Variants in CMTM7 observed in about 807,000 individuals in gnomAD.
CMTM7 encodes CKLF like MARVEL transmembrane domain containing 7.
CMTM7 carries 7 observed loss-of-function variants against 19.3 expected under a neutral mutation model. The ratio of observed to expected loss-of-function variants is 0.36; its 90% CI spans 0.21 to 0.68. CMTM7 has a LOEUF of 0.68. Among genes scored for constraint, CMTM7 ranks in the 30% least tolerant of loss-of-function variants. The pLI, the probability that CMTM7 is intolerant of heterozygous loss-of-function variation, is 0.60. For missense variants in CMTM7, 193 were observed against 232.6 expected (o/e 0.83, Z 1.11); for synonymous variants, 87 against 99.3 (o/e 0.88, Z 0.74).
chr3:32,410,083 A>G (rs2125624603), intron 1 of CMTM7, among the ~76,000 whole-genome samples: 1 of 152,294 alleles, frequency 6.6e-6, no homozygotes. Flanking sequence ...TCCCCTCTGG[A>G]CTGCCCCCTC....
chr3:32,402,102 T>G (rs958623656), intron 1 of CMTM7, among the ~76,000 whole-genome samples: 19 of 152,148 alleles, frequency 1.2e-4, no homozygotes, highest in African/African-American at 3.9e-4. Context: ...TATTTGTTTG[T>G]TTGGTTTTGG....
At chr3:32,430,710 T>TGA (rs1696504877) in intron 1 of CMTM7, among the ~76,000 whole-genome samples, 1 of 151,348 alleles carries the variant, frequency 6.6e-6, no homozygotes, top group African/African-American at 2.4e-5. Flanking sequence ...TGTGTGTGTG[T>TGA]GTGTGACACA....
intron 1 of CMTM7, among the ~76,000 whole-genome samples, chr3:32,408,769 T>C (rs1696126758): frequency 6.6e-6 from 1 of 152,140 alleles, no homozygotes; most frequent in African/African-American, 2.4e-5. Flanking sequence ...CAAAAACATA[T>C]GTATTAAAGT....
chr3:32,415,301 G>C (rs1196586772), intron 1 of CMTM7, among the ~76,000 whole-genome samples: 4 of 152,164 alleles, frequency 2.6e-5, no homozygotes, highest in African/African-American at 9.7e-5. Context: ...ATGTCAAGTA[G>C]TGACTTTCTC....
At position 32,449,622 on chromosome 3, in the gene CMTM7, G is replaced by A; in HGVS notation, c.432+70G>A. On this transcript the variant is annotated intron_variant, in intron 3 of 4. Coordinates refer to ENST00000334983, the MANE Select transcript of CMTM7 (RefSeq NM_138410.4). This position sits in a 1 kb window ranked among gnomAD's most constrained non-coding sequence, Gnocchi z 4.5. ...AATGCTCATTTTCTTCCTGATGGGG[G>A]AAGAGAAGGGCTTGGTTTCTGGGGC... The A allele has an allele frequency of 8.3e-7, 1 of 1,201,974 alleles. No homozygotes were observed. The highest frequency in any genetic ancestry group is 1.2e-6 in the Non-Finnish European group (1 of 804,484). 74.5% of individuals were successfully genotyped at this position (1,201,974 alleles called of 1,614,324 possible). A position where few individuals can be genotyped will look rare whatever the true frequency, so the allele number is the denominator to read the frequency against.
chr3:32,453,841 T>C (rs139335357), intron 4 of CMTM7, among the ~76,000 whole-genome samples: 3 of 152,024 alleles, frequency 2.0e-5, no homozygotes, highest in African/African-American at 7.2e-5. Flanking sequence ...TAAAGCTGTT[T>C]AAGAAAAAAA....
At chr3:32,436,873 C>T (rs925622506) in intron 1 of CMTM7, among the ~76,000 whole-genome samples, 4 of 152,096 alleles carry the variant, frequency 2.6e-5, no homozygotes, top group African/African-American at 7.2e-5. Flanking sequence ...CAGAAGCCGA[C>T]GTCTCTTGAA....
intron 1 of CMTM7, 131 bp downstream of exon 1, chr3:32,392,196 G>A: frequency 2.7e-6 from 2 of 733,786 alleles, no homozygotes; most frequent in Non-Finnish European, 3.7e-6. Context: ...GCGGGGCACC[G>A]CGTCGCTAAA....
intron 1 of CMTM7, among the ~76,000 whole-genome samples, chr3:32,407,044 T>C (rs564301906): frequency 2.0e-5 from 3 of 152,282 alleles, no homozygotes; most frequent in Admixed American, 2.0e-4. Flanking sequence ...ACAGACCTGG[T>C]GAAAGGGAAC....
At chr3:32,416,465 A>T (rs1696267914) in intron 1 of CMTM7, among the ~76,000 whole-genome samples, 1 of 106,198 alleles carries the variant, frequency 9.4e-6, no homozygotes, top group African/African-American at 3.6e-5. Flanking sequence ...ATCTCGGCTC[A>T]CTGCAAGCTC....
chr3:32,434,606 CTTTT>C (rs56672577), intron 1 of CMTM7, among the ~76,000 whole-genome samples: 8 of 57,690 alleles, frequency 1.4e-4, no homozygotes, highest in Non-Finnish European at 2.8e-4. Flanking sequence ...CTTTTCTTTT[CTTTT>C]TTTTTTTTTT....
At chr3:32,408,281 A>C (rs1244245308) in intron 1 of CMTM7, among the ~76,000 whole-genome samples, 1 of 152,266 alleles carries the variant, frequency 6.6e-6, no homozygotes, top group Admixed American at 6.5e-5. Context: ...AGCTTGCTAC[A>C]GTAGCCACAA....
chr3:32,402,280 T>C (rs759051089), intron 1 of CMTM7, among the ~76,000 whole-genome samples: 57 of 151,970 alleles, frequency 3.8e-4, no homozygotes, highest in Non-Finnish European at 6.6e-4. Flanking sequence ...CCCAGCTAAT[T>C]TTTGTATTTT....
At position 32,449,668 on chromosome 3, in the gene CMTM7, AC is replaced by A; in HGVS notation, c.432+118del. ...GGGGCATTCCCTTCATAGAATCAATACCTACCTTGATCCAGCCATCAGCTCT... is the reference window on the plus strand; with the variant it reads ...GGGGCATTCCCTTCATAGAATCAATACTACCTTGATCCAGCCATCAGCTCT... On this transcript the variant is annotated intron_variant, in intron 3 of 4. Transcript: ENST00000334983. The surrounding 1 kb of genome is among the most constrained non-coding windows in gnomAD (Gnocchi z 4.5). 1.3e-6 allele frequency: 1 copy of A among 787,836 alleles called. No individual in the cohort carries two copies. The highest frequency in any genetic ancestry group is 2.2e-6 in the Non-Finnish European group (1 of 448,582). 48.8% of individuals were successfully genotyped at this position (787,836 alleles called of 1,614,324 possible).
In CMTM7 at chr3:32,449,666, A is replaced by G. The variant is rs897989697; in HGVS notation, c.432+114A>G. Reference sequence around the variant, plus strand: ...CTGGGGCATTCCCTTCATAGAATCAATACCTACCTTGATCCAGCCATCAGC... The same window carrying G: ...CTGGGGCATTCCCTTCATAGAATCAGTACCTACCTTGATCCAGCCATCAGC... On this transcript the variant is annotated intron_variant, in intron 3 of 4. Transcript: ENST00000334983. The surrounding 1 kb of genome is among the most constrained non-coding windows in gnomAD (Gnocchi z 4.5). 3 of 802,346 alleles carry G rather than the reference A, an allele frequency of 3.7e-6. No individual in the cohort carries two copies. The highest frequency in any genetic ancestry group is 1.7e-5 in the African/African-American group (1 of 58,722). 49.7% of individuals were successfully genotyped at this position (802,346 alleles called of 1,614,324 possible).
At chr3:32,424,358 C>T (rs1696393761) in intron 1 of CMTM7, among the ~76,000 whole-genome samples, 1 of 152,174 alleles carries the variant, frequency 6.6e-6, no homozygotes, top group Non-Finnish European at 1.5e-5. Flanking sequence ...CGTGTCACTT[C>T]CATCACATTA....
intron 1 of CMTM7, among the ~76,000 whole-genome samples, chr3:32,435,169 C>T (rs347146): frequency 6.6e-6 from 1 of 151,934 alleles, no homozygotes; most frequent in Non-Finnish European, 1.5e-5. Context: ...TTTGGGAGGC[C>T]GAGGCGGGTG....
At chr3:32,409,102 C>T (rs1327334563) in intron 1 of CMTM7, among the ~76,000 whole-genome samples, 1 of 151,992 alleles carries the variant, frequency 6.6e-6, no homozygotes, top group Admixed American at 6.6e-5. Flanking sequence ...AGGATGGTCT[C>T]CATCTCTTTC....
intron 2 of CMTM7, among the ~76,000 whole-genome samples, chr3:32,445,366 T>A (rs952394322): frequency 5.9e-5 from 9 of 152,224 alleles, no homozygotes; most frequent in Non-Finnish European, 8.8e-5. Flanking sequence ...AAGCCCTTTA[T>A]CAAGTTGAAG....
Sources: allele counts gnomAD v4.1 joint callset (sites outside exome capture counted in the v4.1 genomes callset), GRCh38; gene constraint gnomAD v4.1.1; non-coding constraint Gnocchi (gnomAD v3.1); transcripts MANE v1.5; gene names NCBI Gene and HGNC (gene_info 2026-07-23, HGNC 2026-07-21).